TENM3: variants seen among roughly 807,000 people sequenced by gnomAD.
TENM3 encodes the protein teneurin-3.
TENM3 carries 63 observed loss-of-function variants against 255.1 expected under a neutral mutation model. The ratio of observed to expected loss-of-function variants is 0.25; its 90% CI spans 0.20 to 0.30. The LOEUF (loss-of-function observed/expected upper bound fraction) is 0.30. TENM3 is among the 10% of genes least tolerant of loss of function. The pLI, the probability that TENM3 is intolerant of heterozygous loss-of-function variation, is 1.00. For synonymous variants in TENM3, 1,306 were observed against 1,322.3 expected (o/e 0.99, Z 0.27); for missense variants, 2,929 against 3,461.1 (o/e 0.85, Z 3.86).
intron 3 of TENM3, among the ~76,000 whole-genome samples, chr4:182,408,285 A>G (rs1039759899): frequency 1.3e-5 from 2 of 152,198 alleles, no homozygotes; most frequent in Non-Finnish European, 2.9e-5. Flanking sequence ...CAATTTATCA[A>G]CCATTCCTCC....
At chr4:181,888,591 CGTGTGTGTGTGTGTGT>C in the TENM3 span, among the ~76,000 whole-genome samples, 1 of 90,176 alleles carries the variant, frequency 1.1e-5, no homozygotes, top group Non-Finnish European at 2.0e-5. Context: ...TATATATATG[CGTGTGTGTGTGTGTGT>C]GTGTGTGTGT....
At chr4:182,686,976 G>C (rs1401098437) in intron 11 of TENM3, among the ~76,000 whole-genome samples, 3 of 152,192 alleles carry the variant, frequency 2.0e-5, no homozygotes, top group Non-Finnish European at 2.9e-5. Flanking sequence ...CCAGTTAATA[G>C]TCCTGGGTGT....
intron 4 of TENM3, among the ~76,000 whole-genome samples, chr4:182,603,669 A>G (rs1748112981): frequency 1.3e-5 from 2 of 151,708 alleles, no homozygotes; most frequent in African/African-American, 4.8e-5. Context: ...TATGATTCTC[A>G]GACTCAGTTT....
chr4:181,894,092 G>A, the TENM3 span, among the ~76,000 whole-genome samples: 2 of 152,018 alleles, frequency 1.3e-5, no homozygotes, highest in Non-Finnish European at 2.9e-5. Context: ...CTAAACACCT[G>A]CAAAGAGAAT....
chr4:181,600,615 G>A, the TENM3 span, among the ~76,000 whole-genome samples: 7 of 151,514 alleles, frequency 4.6e-5, no homozygotes, highest in South Asian at 1.5e-3. Context: ...GCATTTCCTG[G>A]GGACTCTGAT....
intron 3 of TENM3, among the ~76,000 whole-genome samples, chr4:182,421,072 T>C (rs528651806): frequency 4.8e-4 from 73 of 152,300 alleles, no homozygotes; most frequent in Non-Finnish European, 7.8e-4. Flanking sequence ...AGAAAGTAAT[T>C]TCTGAAATGT....
chr4:181,536,608 A>G, the TENM3 span, among the ~76,000 whole-genome samples: 3 of 152,208 alleles, frequency 2.0e-5, no homozygotes, highest in Admixed American at 1.3e-4. Flanking sequence ...CATCTTTCCA[A>G]TGAGGAAGTG....
chr4:181,754,830 A>G, the TENM3 span, among the ~76,000 whole-genome samples: 1 of 152,188 alleles, frequency 6.6e-6, no homozygotes, highest in African/African-American at 2.4e-5. Context: ...CTATTCCATT[A>G]TTAGTCATGA....
Position 182,789,340 on chromosome 4 carries a change from C to T in TENM3, c.5552C>T (p.Ser1851Phe), listed in dbSNP as rs770088513. ...VDYDGQGRIV[S>F]RVFADGKTWS... ...TATGACGGACAGGGGAGGATCGTGT[C>T]TCGGGTCTTTGCTGATGGTAAAACA... The change falls in exon 25 of 28, where the codon TCT becomes TTT. Residue 1851 changes from serine (S) to phenylalanine (F), a missense_variant. Coordinates refer to ENST00000511685, the MANE Select transcript of TENM3 (RefSeq NM_001080477.4). This position sits in a 1 kb window ranked among gnomAD's most constrained non-coding sequence, Gnocchi z 4.4. The T allele has an allele frequency of 1.9e-6, 3 of 1,613,784 alleles. No homozygotes were observed. The highest frequency in any genetic ancestry group is 2.5e-6 in the Non-Finnish European group (3 of 1,179,850).
chr4:182,337,971 T>G (rs979906372), intron 2 of TENM3, among the ~76,000 whole-genome samples: 1 of 152,032 alleles, frequency 6.6e-6, no homozygotes, highest in Non-Finnish European at 1.5e-5. Flanking sequence ...GCCTGTTGGG[T>G]GGGGATTGAC....
the TENM3 span, among the ~76,000 whole-genome samples, chr4:181,559,557 T>C: frequency 6.6e-6 from 1 of 152,346 alleles, no homozygotes; most frequent in African/African-American, 2.4e-5. Flanking sequence ...GCATAATAAC[T>C]TTTCTTCATT....
At chr4:182,093,071 A>T in the TENM3 span, among the ~76,000 whole-genome samples, 1 of 152,288 alleles carries the variant, frequency 6.6e-6, no homozygotes, top group East Asian at 1.9e-4. Flanking sequence ...TAAGTAAACC[A>T]AAATCTCCCT....
chr4:181,764,392 C>T, the TENM3 span, among the ~76,000 whole-genome samples: 1 of 152,136 alleles, frequency 6.6e-6, no homozygotes, highest in African/African-American at 2.4e-5. Flanking sequence ...AACACCCCAT[C>T]ATGGAATTTT....
chr4:181,491,909 AG>A, the TENM3 span, among the ~76,000 whole-genome samples: 1 of 152,180 alleles, frequency 6.6e-6, no homozygotes, highest in Admixed American at 6.5e-5. Context: ...TATTATAAAA[AG>A]CTTTAAAAAT....
chr4:182,259,472 T>C (rs1758641317), intron 1 of TENM3, among the ~76,000 whole-genome samples: 1 of 152,130 alleles, frequency 6.6e-6, no homozygotes, highest in African/African-American at 2.4e-5. Flanking sequence ...CCACCACACC[T>C]GGCTAATTTT....
intron 3 of TENM3, among the ~76,000 whole-genome samples, chr4:182,561,890 G>A (rs1024877588): frequency 6.6e-6 from 1 of 151,520 alleles, no homozygotes; most frequent in African/African-American, 2.4e-5. Flanking sequence ...AAAAATAATA[G>A]CAAAACTGCA....
In TENM3 at chr4:182,799,543, T is replaced by C. The variant is rs1470857064; in HGVS notation, c.7345-53T>C. The C allele has an allele frequency of 6.6e-7, 1 of 1,516,396 alleles. No individual in the cohort carries two copies. Among genetic ancestry groups the C allele is most frequent in the Non-Finnish European group, 8.8e-7 (1 of 1,141,048 alleles). 93.9% of individuals were successfully genotyped at this position (1,516,396 alleles called of 1,614,324 possible). A position where few individuals can be genotyped will look rare whatever the true frequency, so the allele number is the denominator to read the frequency against. ...CAGAGTCCCGTGTGTGGGTCAGGAG[T>C]GGGGAGGCTCCCGGCCGCCTCTGAC... On this transcript the variant is annotated intron_variant, in intron 27 of 27. Transcript: ENST00000511685. This position sits in a 1 kb window ranked among gnomAD's most constrained non-coding sequence, Gnocchi z 4.2.
the TENM3 span, among the ~76,000 whole-genome samples, chr4:181,972,711 C>A: frequency 2.6e-4 from 39 of 152,220 alleles, no homozygotes; most frequent in African/African-American, 9.4e-4. Context: ...TCCTCAGCAC[C>A]TGAATCCATT....
At chr4:181,756,995 A>C in the TENM3 span, among the ~76,000 whole-genome samples, 1 of 152,310 alleles carries the variant, frequency 6.6e-6, no homozygotes, top group African/African-American at 2.4e-5. Flanking sequence ...CCACAAAGAG[A>C]AACCCTGTCT....
Sources: allele counts gnomAD v4.1 joint callset (sites outside exome capture counted in the v4.1 genomes callset), GRCh38; gene constraint gnomAD v4.1.1; non-coding constraint Gnocchi (gnomAD v3.1); transcripts MANE v1.5; gene names NCBI Gene and HGNC (gene_info 2026-07-23, HGNC 2026-07-21).